The following C10orf143 variants were observed in gnomAD, a reference collection of about 807,000 sequenced individuals.
C10orf143 encodes the protein uncharacterized protein C10orf143.
intron 3 of C10orf143, among the ~76,000 whole-genome samples, chr10:130,057,755 G>A (rs373486631): frequency 1.3e-5 from 2 of 152,176 alleles, no homozygotes; most frequent in African/African-American, 2.4e-5. Context: ...AAGAGCACGC[G>A]GTAAAAGTGG....
chr10:130,087,891 A>C (rs1861318197), intron 1 of C10orf143, among the ~76,000 whole-genome samples: 1 of 152,210 alleles, frequency 6.6e-6, no homozygotes. Flanking sequence ...CTCTGGGCTC[A>C]AGAGGAGGGT....
chr10:130,064,853 T>C (rs918707623), intron 3 of C10orf143: 1 of 152,234 alleles, frequency 6.6e-6, no homozygotes, highest in Admixed American at 6.6e-5. Flanking sequence ...AGGCCTCTCA[T>C]CTCCTCACCT....
intron 3 of C10orf143, among the ~76,000 whole-genome samples, chr10:130,040,689 C>T (rs543679198): frequency 1.1e-4 from 16 of 152,248 alleles, no homozygotes; most frequent in South Asian, 2.1e-4. Flanking sequence ...AAAAATTACC[C>T]GGGCTTGGTG....
chr10:130,042,312 A>C (rs1047070596), intron 3 of C10orf143, among the ~76,000 whole-genome samples: 2 of 152,286 alleles, frequency 1.3e-5, no homozygotes, highest in African/African-American at 4.8e-5. Flanking sequence ...CTTAACTGAC[A>C]AAGGAAACAT....
At chr10:130,053,416 A>C (rs1205339468) in intron 3 of C10orf143, among the ~76,000 whole-genome samples, 1 of 152,198 alleles carries the variant, frequency 6.6e-6, no homozygotes, top group African/African-American at 2.4e-5. Context: ...AAAGAATATA[A>C]AAAATACTTC....
intron 3 of C10orf143, among the ~76,000 whole-genome samples, chr10:130,074,203 G>A (rs1389703940): frequency 2.6e-5 from 4 of 152,200 alleles, no homozygotes. Flanking sequence ...TCAGGCCCCT[G>A]CCTCCCCATC....
At chr10:130,067,700 G>C (rs536971065) in intron 3 of C10orf143, 1 of 152,242 alleles carries the variant, frequency 6.6e-6, no homozygotes, top group South Asian at 2.1e-4. Flanking sequence ...ACAATCATCC[G>C]TCTTTACCAG....
chr10:130,093,331 AT>A (rs1230086418), intron 1 of C10orf143, among the ~76,000 whole-genome samples: 2 of 152,236 alleles, frequency 1.3e-5, no homozygotes, highest in Admixed American at 6.5e-5. Context: ...AAATAACGAA[AT>A]TAAGGCAGAA....
chr10:130,098,228 C>T (rs1861492926), intron 1 of C10orf143, among the ~76,000 whole-genome samples: 1 of 152,212 alleles, frequency 6.6e-6, no homozygotes. Context: ...GAGGCTGAGA[C>T]ATGAGAATCA....
intron 1 of C10orf143, among the ~76,000 whole-genome samples, chr10:130,098,543 C>A (rs1258630801): frequency 1.3e-5 from 2 of 152,190 alleles, no homozygotes; most frequent in South Asian, 2.1e-4. Context: ...TTCACCAATT[C>A]TCAGTTAAAC....
intron 1 of C10orf143, among the ~76,000 whole-genome samples, chr10:130,093,679 A>G (rs935971814): frequency 6.6e-6 from 1 of 152,162 alleles, no homozygotes; most frequent in Non-Finnish European, 1.5e-5. Context: ...CCAGACTGAT[A>G]AAGAATAAAA....
chr10:130,066,538 T>C (rs1428392952), intron 3 of C10orf143: 1 of 152,180 alleles, frequency 6.6e-6, no homozygotes, highest in Non-Finnish European at 1.5e-5. Context: ...GAAATTGCTC[T>C]TTAGACCTTT....
At position 130,054,822 on chromosome 10, in the gene C10orf143, A is replaced by T. The variant is rs2147757; in HGVS notation, c.298-18852T>A. 3.2e-3 allele frequency among the ~76,000 whole-genome samples: 485 copies of T among 152,356 alleles called. 3 individuals are homozygous for T. The highest frequency in any genetic ancestry group is 0.011 in the African/African-American group (440 of 41,576). On this transcript the variant is annotated intron_variant and NMD_transcript_variant, in intron 3 of 5. Coordinates refer to the C10orf143 transcript ENST00000643056. ...CTTTCTAATTTTGAAATATATTACA[A>T]AGCTACAGTAATAAAAATGGTATAG... is the stretch of plus-strand genomic sequence containing the variant.
intron 3 of C10orf143, among the ~76,000 whole-genome samples, chr10:130,052,747 C>A (rs1761173825): frequency 6.6e-6 from 1 of 152,344 alleles, no homozygotes; most frequent in Non-Finnish European, 1.5e-5. Flanking sequence ...GACTATCGGT[C>A]AACTAATCAG....
intron 3 of C10orf143, chr10:130,067,908 G>C (rs1221316219): frequency 6.6e-6 from 1 of 152,472 alleles, no homozygotes; most frequent in African/African-American, 2.4e-5. Context: ...CCTCACAAAG[G>C]GGTTATTACA....
chr10:130,097,690 C>A (rs955330830), intron 1 of C10orf143, among the ~76,000 whole-genome samples: 1 of 152,168 alleles, frequency 6.6e-6, no homozygotes, highest in Non-Finnish European at 1.5e-5. Context: ...ATAAACAGAA[C>A]GTGTTCTATT....
In C10orf143 at chr10:130,079,574, CT is replaced by C. The variant is rs1861171539; in HGVS notation, c.288del (p.Glu98AsnfsTer26). 7 of 398,968 alleles carry C rather than the reference CT, an allele frequency of 1.8e-5. No individual in the cohort carries two copies. In the South Asian group the frequency reaches 8.9e-4, roughly 51 times the overall value. 24.7% of individuals were successfully genotyped at this position (398,968 alleles called of 1,614,324 possible). ...AAGGTTAATGCACTTACAGATTCCC[CT>C]GCAATACATCTTGGGCAAGGCTGGG... ...SSAQPCPRCI[A>X]GESGHFSHTK... On this transcript the variant is annotated frameshift_variant, in exon 3 of 4. Transcript: ENST00000637128. LOFTEE classifies it high-confidence loss of function.
chr10:130,108,310 G>A, intron 1 of C10orf143: 2 of 1,557,910 alleles, frequency 1.3e-6, no homozygotes, highest in East Asian at 2.2e-5. Context: ...ATCCACCGAG[G>A]GGTTTTCCTC....
chr10:130,069,325 A>G (rs1430675886), intron 3 of C10orf143, among the ~76,000 whole-genome samples: 3 of 152,196 alleles, frequency 2.0e-5, no homozygotes, highest in East Asian at 1.9e-4. Flanking sequence ...TCAATATCCA[A>G]CAAAACCAAA....
Sources: allele counts gnomAD v4.1 joint callset (sites outside exome capture counted in the v4.1 genomes callset), GRCh38; gene constraint gnomAD v4.1.1; transcripts MANE v1.5; gene names NCBI Gene and HGNC (gene_info 2026-07-23, HGNC 2026-07-21).